Variants in DTNA observed in about 807,000 individuals in gnomAD.
DTNA encodes the protein dystrobrevin alpha.
A neutral mutation model predicts 100.7 loss-of-function variants in DTNA; 43 were observed. The ratio of observed to expected loss-of-function variants is 0.43; its 90% CI spans 0.33 to 0.55. DTNA has a LOEUF of 0.55. Ranked by LOEUF, DTNA falls within the 20% of genes least tolerant of loss-of-function variation. The pLI is 0.04. For synonymous variants in DTNA, 349 were observed against 347.9 expected (o/e 1.00, Z -0.04); for missense variants, 798 against 953.9 (o/e 0.84, Z 2.15).
intron 2 of DTNA, among the ~76,000 whole-genome samples, chr18:34,761,791 T>C (rs1238546736): frequency 1.3e-5 from 2 of 152,244 alleles, no homozygotes; most frequent in Non-Finnish European, 2.9e-5. Flanking sequence ...CTCTTAATTA[T>C]GTATGCCATC....
chr18:34,743,279 T>C (rs1306403131), intron 1 of DTNA, among the ~76,000 whole-genome samples: 1 of 152,192 alleles, frequency 6.6e-6, no homozygotes, highest in Non-Finnish European at 1.5e-5. Context: ...TTTTGGCTGC[T>C]CATACCCCCG....
intron 12 of DTNA, 56 bp downstream of exon 12, chr18:34,838,227 AT>A: frequency 6.3e-7 from 1 of 1,580,892 alleles, no homozygotes; most frequent in Admixed American, 1.7e-5. Flanking sequence ...AAAAATGGAG[AT>A]TTCTTTTGTC....
At chr18:34,653,301 T>C (rs2073881804) in intron 1 of DTNA, among the ~76,000 whole-genome samples, 1 of 152,202 alleles carries the variant, frequency 6.6e-6, no homozygotes, top group South Asian at 2.1e-4. Context: ...AATTTTATAG[T>C]CCTCTACCTG....
intron 1 of DTNA, among the ~76,000 whole-genome samples, chr18:34,575,211 A>G (rs192915646): frequency 1.2e-4 from 18 of 152,270 alleles, no homozygotes; most frequent in Admixed American, 2.0e-4. Flanking sequence ...TTCATCTTCT[A>G]TCTTTGCATT....
chr18:34,566,746 C>A (rs1024988564), intron 1 of DTNA, among the ~76,000 whole-genome samples: 2 of 152,150 alleles, frequency 1.3e-5, no homozygotes, highest in African/African-American at 2.4e-5. Context: ...TCCAGGGATC[C>A]TACTGAATCC....
intron 9 of DTNA, among the ~76,000 whole-genome samples, chr18:34,824,431 G>A (rs950496247): frequency 6.6e-6 from 1 of 151,550 alleles, no homozygotes; most frequent in African/African-American, 2.4e-5. Context: ...AGCCGAGATC[G>A]CGCCACCGCA....
intron 4 of DTNA, among the ~76,000 whole-genome samples, chr18:34,797,331 A>T (rs763539308): frequency 6.6e-6 from 1 of 152,116 alleles, no homozygotes; most frequent in Non-Finnish European, 1.5e-5. Context: ...CCTGAGAAGG[A>T]TGGGAAAAGA....
chr18:34,780,392 A>T (rs11081876), intron 3 of DTNA, among the ~76,000 whole-genome samples: 21,471 of 152,206 alleles, frequency 0.14, 1,594 homozygotes, highest in African/African-American at 0.17. Context: ...TCACCAAAAA[A>T]CACTGGAACA....
At position 34,888,405 on chromosome 18, in the gene DTNA, A is replaced by G; in HGVS notation, c.*671A>G. ...CCTGCACGGTCTGTAGTTGACTCCA[A>G]GTCTCTGTGAGCAGTGACTTGAACC... is the stretch of plus-strand genomic sequence containing the variant. On this transcript the variant is annotated 3_prime_UTR_variant, in exon 23 of 23. Transcript: ENST00000444659. 1 of 985,844 alleles carries G rather than the reference A, an allele frequency of 1.0e-6. No individual in the cohort carries two copies. Among genetic ancestry groups the G allele is most frequent in the African/African-American group, 1.7e-5 (1 of 57,348 alleles). 61.1% of individuals were successfully genotyped at this position (985,844 alleles called of 1,614,324 possible).
In DTNA at chr18:34,891,046, A is replaced by G. The variant is rs2096962217; in HGVS notation, c.*3312A>G. On this transcript the variant is annotated 3_prime_UTR_variant, in exon 23 of 23. Coordinates refer to ENST00000444659, the MANE Select transcript of DTNA (RefSeq NM_001386795.1). ...AAGTGAGAACTCCACTGTCCTTAGAAGAAAGGGCATTTTTACTTTTGAACC... is the reference window on the plus strand; with the variant it reads ...AAGTGAGAACTCCACTGTCCTTAGAGGAAAGGGCATTTTTACTTTTGAACC... 1 of 152,656 alleles carries G rather than the reference A, an allele frequency of 6.6e-6. No individual in the cohort carries two copies. The highest frequency in any genetic ancestry group is 1.5e-5 in the Non-Finnish European group (1 of 68,008). 9.5% of individuals were successfully genotyped at this position (152,656 alleles called of 1,614,324 possible). A position where few individuals can be genotyped will look rare whatever the true frequency, so the allele number is the denominator to read the frequency against.
chr18:34,848,315 C>A lies in DTNA; in HGVS notation c.1366C>A (p.Arg456=). 6.2e-7 allele frequency: 1 copy of A among 1,613,962 alleles called. No homozygotes were observed. The highest frequency in any genetic ancestry group is 8.5e-7 in the Non-Finnish European group (1 of 1,179,934). The part of the protein sequence containing the change: ...NPSCMLESSN[R]LDEEHRLIAR... ...TAATAGCATGCTTGAGAGTTCAAACCGGCTTGATGAAGAACACAGGCTAAT... is the reference window on the plus strand; with the variant it reads ...TAATAGCATGCTTGAGAGTTCAAACAGGCTTGATGAAGAACACAGGCTAAT... The change falls in exon 14 of 23, where the codon CGG becomes AGG. Residue 456 remains arginine, a synonymous_variant. Coordinates refer to ENST00000444659, the MANE Select transcript of DTNA (RefSeq NM_001386795.1).
chr18:34,731,815 A>G (rs2088310338), intron 1 of DTNA, among the ~76,000 whole-genome samples: 1 of 152,248 alleles, frequency 6.6e-6, no homozygotes, highest in African/African-American at 2.4e-5. Flanking sequence ...GAATAGATAA[A>G]TGGTCAAATG....
At chr18:34,569,069 A>G (rs2047341032) in intron 1 of DTNA, among the ~76,000 whole-genome samples, 1 of 152,218 alleles carries the variant, frequency 6.6e-6, no homozygotes, top group African/African-American at 2.4e-5. Flanking sequence ...CCAGAAATGC[A>G]AAGTCAAGTA....
At chr18:34,825,157 G>A in intron 9 of DTNA, 1 of 1,398,780 alleles carries the variant, frequency 7.1e-7, no homozygotes, top group Non-Finnish European at 1.0e-6. Context: ...ATAGAAATGA[G>A]CAGGTGGTGA....
intron 4 of DTNA, among the ~76,000 whole-genome samples, chr18:34,800,750 A>G (rs920904512): frequency 1.3e-5 from 2 of 152,234 alleles, no homozygotes; most frequent in East Asian, 1.9e-4. Flanking sequence ...CAAGTTTCTC[A>G]TGGGATTTTG....
chr18:34,878,259 C>A (rs1185030841), intron 19 of DTNA, among the ~76,000 whole-genome samples: 1 of 152,136 alleles, frequency 6.6e-6, no homozygotes, highest in Non-Finnish European at 1.5e-5. Context: ...GCCACTATGC[C>A]TGGCCTATTC....
intron 1 of DTNA, among the ~76,000 whole-genome samples, chr18:34,608,693 T>C (rs919702954): frequency 5.9e-5 from 9 of 152,192 alleles, no homozygotes; most frequent in Non-Finnish European, 1.2e-4. Context: ...TGTATTAGGG[T>C]GACCCATCTC....
At chr18:34,887,179 A>T (rs1048037725) in intron 22 of DTNA, among the ~76,000 whole-genome samples, 1 of 152,208 alleles carries the variant, frequency 6.6e-6, no homozygotes, top group African/African-American at 2.4e-5. Flanking sequence ...TCAACATACA[A>T]TATTAAAAAA....
intron 15 of DTNA, among the ~76,000 whole-genome samples, chr18:34,852,683 C>A (rs936384725): frequency 2.0e-5 from 3 of 152,180 alleles, no homozygotes; most frequent in African/African-American, 7.2e-5. Flanking sequence ...CACACTCCCA[C>A]CTCCCATGTG....
Sources: allele counts gnomAD v4.1 joint callset (sites outside exome capture counted in the v4.1 genomes callset), GRCh38; gene constraint gnomAD v4.1.1; transcripts MANE v1.5; gene names NCBI Gene and HGNC (gene_info 2026-07-23, HGNC 2026-07-21).